Variants in BLMH observed in about 807,000 individuals in gnomAD.
BLMH encodes the protein BLM hydrolase.
BLMH carries 32 observed loss-of-function variants against 61.6 expected under a neutral mutation model. The observed-to-expected ratio is 0.52, with a 90% CI of 0.39 to 0.70. The LOEUF is 0.70. Among genes scored for constraint, BLMH ranks in the 30% least tolerant of loss-of-function variants. The probability of loss-of-function intolerance (pLI) is 0.00; values close to 1 mark genes in which losing one functional copy is unlikely to be tolerated. For missense variants in BLMH, 460 were observed against 555.5 expected, an observed-to-expected ratio of 0.83 and a Z score of 1.73; for synonymous variants, 183 against 193.8, an observed-to-expected ratio of 0.94 and a Z score of 0.46.
intron 11 of BLMH, among the ~76,000 whole-genome samples, chr17:30,266,521 T>A (rs141806876): frequency 1.0e-5 from 1 of 100,390 alleles, no homozygotes. Flanking sequence ...CAAGACTCTG[T>A]CCAAAAAAAA....
At chr17:30,278,923 C>T (rs538710654) in intron 6 of BLMH, among the ~76,000 whole-genome samples, 3 of 152,302 alleles carry the variant, frequency 2.0e-5, no homozygotes, top group African/African-American at 7.2e-5. Context: ...TGCCTGCCTC[C>T]CAGAGTGCTG....
chr17:30,248,708 C>T lies in BLMH; in HGVS notation c.*309G>A, dbSNP rs996807702. Reference sequence around the variant, plus strand: ...CTCTCGTCTTATTAAAACACAGACACAGAACCAAACTTTTTGACAGTTAAA... The same window carrying T: ...CTCTCGTCTTATTAAAACACAGACATAGAACCAAACTTTTTGACAGTTAAA... On this transcript the variant is annotated 3_prime_UTR_variant, in exon 12 of 12. Transcript: ENST00000261714. 2 of 295,242 alleles carry T rather than the reference C, an allele frequency of 6.8e-6. No individual in the cohort carries two copies. Among genetic ancestry groups the T allele is most frequent in the Non-Finnish European group, 1.3e-5 (2 of 157,152 alleles). The allele number at this position is 295,242 out of a possible 1,614,324, so 18.3% of individuals were successfully genotyped here.
chr17:30,285,488 A>G lies in BLMH; in HGVS notation c.553-8T>C. The stretch of plus-strand genomic sequence containing the variant: ...TATACAGAATTCTCTCATCTATGAC[A>G]GAAACTTATTCAGCACTCCAACAGT... On this transcript the variant is annotated splice_region_variant and splice_polypyrimidine_tract_variant and intron_variant, in intron 5 of 11. Transcript: ENST00000261714. The G allele has an allele frequency of 6.2e-7, 1 of 1,600,968 alleles. No homozygotes were observed. The highest frequency in any genetic ancestry group is 1.1e-5 in the South Asian group (1 of 88,840).
chr17:30,259,566 C>T (rs1460403699), intron 11 of BLMH, among the ~76,000 whole-genome samples: 1 of 152,100 alleles, frequency 6.6e-6, no homozygotes, highest in East Asian at 1.9e-4. Flanking sequence ...GAAAAAAAAT[C>T]ATCCCTTCTC....
chr17:30,266,620 A>G lies in BLMH; in HGVS notation c.1216+265T>C, dbSNP rs143999689. 1.5e-3 allele frequency among the ~76,000 whole-genome samples: 236 copies of G among 152,302 alleles called. 1 individual carries two copies. The highest frequency in any genetic ancestry group is 1.2e-3 in the Non-Finnish European group (82 of 68,012). ...GGGCACTCAACCTCCTCACTAGCCA[A>G]GCGGTCTACAAAGAGGGGAGGGTCA... On this transcript the variant is annotated intron_variant, in intron 11 of 11. Transcript: ENST00000261714.
intron 2 of BLMH, 82 bp from the exon 3 acceptor site, chr17:30,289,564 C>CAT: frequency 1.2e-6 from 1 of 863,976 alleles, no homozygotes; most frequent in East Asian, 2.8e-5. Context: ...CCAATGAACT[C>CAT]ATGACACGAT....
chr17:30,284,721 A>G (rs770969832), intron 6 of BLMH, among the ~76,000 whole-genome samples: 2 of 152,246 alleles, frequency 1.3e-5, no homozygotes, highest in Non-Finnish European at 2.9e-5. Flanking sequence ...CTTTATTTCT[A>G]CAGAAAGAAG....
intron 1 of BLMH, 102 bp from the exon 2 acceptor site, chr17:30,291,610 G>A: frequency 6.8e-7 from 1 of 1,462,570 alleles, no homozygotes; most frequent in Non-Finnish European, 9.3e-7. Context: ...ATCCTGGGGT[G>A]CCCGCTGCAG....
chr17:30,254,264 T>C (rs900588898), intron 11 of BLMH, among the ~76,000 whole-genome samples: 13 of 152,336 alleles, frequency 8.5e-5, no homozygotes, highest in African/African-American at 2.9e-4. Context: ...TGAAGGTATC[T>C]GTTCTGCTCT....
At chr17:30,255,636 T>C (rs765538129) in intron 11 of BLMH, among the ~76,000 whole-genome samples, 8 of 152,136 alleles carry the variant, frequency 5.3e-5, no homozygotes, top group African/African-American at 9.7e-5. Context: ...CGGTGGCTCA[T>C]GCCTGTAATC....
At chr17:30,261,338 A>T (rs1237203178) in intron 11 of BLMH, among the ~76,000 whole-genome samples, 1 of 152,144 alleles carries the variant, frequency 6.6e-6, no homozygotes, top group Non-Finnish European at 1.5e-5. Flanking sequence ...ATCCTGAGTT[A>T]CTCTACTCTG....
At chr17:30,282,065 G>A (rs1165353228) in intron 6 of BLMH, among the ~76,000 whole-genome samples, 1 of 151,946 alleles carries the variant, frequency 6.6e-6, no homozygotes, top group Non-Finnish European at 1.5e-5. Context: ...TTGACTGATC[G>A]ATTGATTTTA....
rs1382577275 is a variant in BLMH at position 30,287,004 on chromosome 17, T to G, written c.464-102A>C. The G allele has an allele frequency of 4.0e-6, 3 of 748,408 alleles. No homozygotes were observed. The East Asian group carries it at 8.0e-5, about 20-fold the overall frequency. 46.4% of individuals were successfully genotyped at this position (748,408 alleles called of 1,614,324 possible). On this transcript the variant is annotated intron_variant, in intron 4 of 11. Coordinates refer to ENST00000261714, the MANE Select transcript of BLMH (RefSeq NM_000386.4). ...AATAGGCGATATTTTGCTGGCTTAC[T>G]TCAGAAAATCTTATACTTCATATTA...
In BLMH at chr17:30,272,382, TTAAG is replaced by T. The variant is rs1170889910; in HGVS notation, c.1028+175_1028+178del. On this transcript the variant is annotated intron_variant, in intron 9 of 11. Coordinates refer to ENST00000261714, the MANE Select transcript of BLMH (RefSeq NM_000386.4). ...ATTTTGATGTCCTGGGTTAGAGTGT[TTAAG>T]TATGTGGAGTTTCTGCTATGAGTCC... 14 of 703,732 alleles carry T rather than the reference TTAAG, an allele frequency of 2.0e-5. No individual in the cohort carries two copies. The Admixed American group carries it at 2.4e-4, about 12-fold the overall frequency. The allele number at this position is 703,732 out of a possible 1,614,324, so 43.6% of individuals were successfully genotyped here.
chr17:30,261,996 A>G (rs1172276802), intron 11 of BLMH, among the ~76,000 whole-genome samples: 1 of 152,236 alleles, frequency 6.6e-6, no homozygotes, highest in African/African-American at 2.4e-5. Context: ...TGGGTTAAAA[A>G]CAATTTCAAA....
chr17:30,266,437 A>G (rs1212551318), intron 11 of BLMH, among the ~76,000 whole-genome samples: 1 of 150,074 alleles, frequency 6.7e-6, no homozygotes, highest in Non-Finnish European at 1.5e-5. Context: ...AGGCAGGAGA[A>G]TGGCGTGAAC....
At chr17:30,260,584 A>G (rs1907930651) in intron 11 of BLMH, among the ~76,000 whole-genome samples, 1 of 152,154 alleles carries the variant, frequency 6.6e-6, no homozygotes, top group Non-Finnish European at 1.5e-5. Flanking sequence ...GATGGTGAAA[A>G]GCCCTTCTGA....
intron 9 of BLMH, among the ~76,000 whole-genome samples, chr17:30,271,935 G>A (rs1243890475): frequency 6.6e-6 from 1 of 152,160 alleles, no homozygotes. Flanking sequence ...CTTGGGAGTT[G>A]CATGTACCTG....
intron 6 of BLMH, among the ~76,000 whole-genome samples, chr17:30,283,592 G>C (rs946337396): frequency 4.0e-5 from 6 of 149,782 alleles, no homozygotes; most frequent in South Asian, 2.1e-4. Context: ...CACAATCTCG[G>C]CTCACTGCAA....
Sources: allele counts gnomAD v4.1 joint callset (sites outside exome capture counted in the v4.1 genomes callset), GRCh38; gene constraint gnomAD v4.1.1; transcripts MANE v1.5; gene names NCBI Gene and HGNC (gene_info 2026-07-23, HGNC 2026-07-21).